The following SEMA3A variants were observed in gnomAD, a reference collection of about 807,000 sequenced individuals.
SEMA3A encodes semaphorin-3A.
SEMA3A carries 29 observed loss-of-function variants against 97.9 expected under a neutral mutation model. That is an observed-to-expected ratio of 0.30 (90% CI 0.22 to 0.40). The LOEUF (loss-of-function observed/expected upper bound fraction) is 0.40. Ranked by LOEUF, SEMA3A falls within the 10% of genes least tolerant of loss-of-function variation. The pLI is 1.00. For missense variants in SEMA3A, 763 were observed against 951.3 expected (o/e 0.80, Z 2.60); for synonymous variants, 321 against 323.7 (o/e 0.99, Z 0.09).
intron 2 of SEMA3A, among the ~76,000 whole-genome samples, chr7:84,339,401 C>T (rs1245509980): frequency 6.6e-6 from 1 of 152,084 alleles, no homozygotes; most frequent in African/African-American, 2.4e-5. Flanking sequence ...ATCTGTGTAT[C>T]TGCCTTTGTG....
At chr7:84,099,927 TTTG>T (rs1794906400) in intron 4 of SEMA3A, among the ~76,000 whole-genome samples, 1 of 152,140 alleles carries the variant, frequency 6.6e-6, no homozygotes, top group Non-Finnish European at 1.5e-5. Context: ...CAATAGTGGT[TTTG>T]TCTGTCTGAA....
chr7:83,982,553 A>C (rs1789457787), intron 13 of SEMA3A, among the ~76,000 whole-genome samples: 2 of 152,326 alleles, frequency 1.3e-5, no homozygotes, highest in South Asian at 2.1e-4. Context: ...AGGATTCAAT[A>C]ATTATAGTAA....
At chr7:84,239,938 T>G (rs2116376620) in intron 3 of SEMA3A, among the ~76,000 whole-genome samples, 1 of 152,270 alleles carries the variant, frequency 6.6e-6, no homozygotes, top group South Asian at 2.1e-4. Context: ...TATTTTCTAT[T>G]ATTTCATTGG....
At chr7:84,237,172 GA>G (rs2116370565) in intron 3 of SEMA3A, among the ~76,000 whole-genome samples, 1 of 152,176 alleles carries the variant, frequency 6.6e-6, no homozygotes, top group Non-Finnish European at 1.5e-5. Flanking sequence ...TGATGATGCT[GA>G]AAACAAAATG....
chr7:84,210,589 G>T (rs1798603007), intron 3 of SEMA3A, among the ~76,000 whole-genome samples: 1 of 152,176 alleles, frequency 6.6e-6, no homozygotes, highest in African/African-American at 2.4e-5. Context: ...GGTGACGAAA[G>T]CCATGAAAGG....
upstream of SEMA3A, among the ~76,000 whole-genome samples, chr7:84,195,728 A>G (rs1798210859): frequency 2.0e-5 from 3 of 152,210 alleles, no homozygotes; most frequent in African/African-American, 7.2e-5. Flanking sequence ...GCTCTGGCTA[A>G]CATTTTCAAT....
chr7:84,259,642 G>A lies in SEMA3A; in HGVS notation c.-83+47565C>T, dbSNP rs144756621. Among the ~76,000 whole-genome samples, 836 of 151,902 alleles carry A rather than the reference G, an allele frequency of 5.5e-3. 1 individual carries two copies. The highest frequency in any genetic ancestry group is 9.9e-3 in the Admixed American group (151 of 15,238). On this transcript the variant is annotated intron_variant, in intron 3 of 3. Coordinates refer to the SEMA3A transcript ENST00000424555. The stretch of plus-strand genomic sequence containing the variant: ...AAATAAAAGAATATTTATGGTACTG[G>A]GAAAAAAATGGGAATCTTCCCTTGC...
intron 1 of SEMA3A, among the ~76,000 whole-genome samples, chr7:84,439,977 T>C (rs1805233341): frequency 6.6e-6 from 1 of 152,186 alleles, no homozygotes; most frequent in Non-Finnish European, 1.5e-5. Flanking sequence ...TACCATGTAT[T>C]AGGCACTATA....
chr7:84,382,630 G>A (rs969843512), intron 1 of SEMA3A, among the ~76,000 whole-genome samples: 3 of 147,310 alleles, frequency 2.0e-5, no homozygotes, highest in Non-Finnish European at 3.0e-5. Context: ...AGGCCAAGGC[G>A]GGCAGATCAT....
At chr7:84,412,346 T>A (rs13437881) in intron 1 of SEMA3A, among the ~76,000 whole-genome samples, 2 of 152,106 alleles carry the variant, frequency 1.3e-5, no homozygotes, top group African/African-American at 4.8e-5. Flanking sequence ...GATGAAGCAT[T>A]AAAAAGTGGA....
intron 1 of SEMA3A, among the ~76,000 whole-genome samples, chr7:84,465,213 T>C (rs1024856011): frequency 2.0e-5 from 3 of 152,184 alleles, no homozygotes; most frequent in African/African-American, 7.2e-5. Flanking sequence ...TGTTTTCTAA[T>C]TGATTCTGGG....
chr7:84,076,339 T>C (rs1793947802), intron 4 of SEMA3A, among the ~76,000 whole-genome samples: 1 of 149,936 alleles, frequency 6.7e-6, no homozygotes, highest in African/African-American at 2.4e-5. Flanking sequence ...GTAGATAAAG[T>C]AGCAAAGAGA....
intron 1 of SEMA3A, among the ~76,000 whole-genome samples, chr7:84,405,896 G>A (rs929339201): frequency 2.0e-5 from 3 of 152,132 alleles, no homozygotes; most frequent in African/African-American, 4.8e-5. Flanking sequence ...CACATTCAAA[G>A]CAGTATGTAG....
intron 1 of SEMA3A, among the ~76,000 whole-genome samples, chr7:84,139,644 G>A (rs1040704165): frequency 6.6e-6 from 1 of 152,028 alleles, no homozygotes; most frequent in Non-Finnish European, 1.5e-5. Context: ...TTAGTGCATA[G>A]CTTGCGGGGC....
intron 1 of SEMA3A, among the ~76,000 whole-genome samples, chr7:84,466,838 T>C (rs1350529907): frequency 2.6e-5 from 4 of 152,194 alleles, no homozygotes; most frequent in Admixed American, 6.5e-5. Context: ...CTTGAGTTGA[T>C]AGAGGTAGCA....
At chr7:84,391,900 G>A (rs990670593) in intron 1 of SEMA3A, among the ~76,000 whole-genome samples, 18 of 151,166 alleles carry the variant, frequency 1.2e-4, no homozygotes, top group African/African-American at 4.1e-4. Context: ...CTGAGCCTGG[G>A]AGGTAGCCAT....
intron 2 of SEMA3A, among the ~76,000 whole-genome samples, chr7:84,366,030 T>C (rs1476698090): frequency 6.6e-6 from 1 of 151,420 alleles, no homozygotes; most frequent in African/African-American, 2.4e-5. Context: ...ATCACATTTG[T>C]CAATAAGGAA....
chr7:84,213,414 G>A (rs577844275), intron 3 of SEMA3A, among the ~76,000 whole-genome samples: 54 of 152,236 alleles, frequency 3.5e-4, no homozygotes, highest in African/African-American at 1.2e-3. Flanking sequence ...AAGTATCTTG[G>A]ACTACAGGCA....
chr7:84,458,675 T>G lies in SEMA3A; in HGVS notation c.-246+33785A>C, dbSNP rs551603158. On this transcript the variant is annotated intron_variant, in intron 1 of 3. Coordinates refer to the SEMA3A transcript ENST00000424555. Reference sequence around the variant, plus strand: ...GCCTCGTCATCACCAGAAATCATTATTGCTTATTGATATATCATAGTTGAT... The same window carrying G: ...GCCTCGTCATCACCAGAAATCATTAGTGCTTATTGATATATCATAGTTGAT... 1.3e-3 allele frequency among the ~76,000 whole-genome samples: 197 copies of G among 152,208 alleles called. 2 individuals are homozygous for G. Among genetic ancestry groups the G allele is most frequent in the Non-Finnish European group, 2.1e-3 (140 of 67,942 alleles).
Sources: allele counts gnomAD v4.1 joint callset (sites outside exome capture counted in the v4.1 genomes callset), GRCh38; gene constraint gnomAD v4.1.1; transcripts MANE v1.5; gene names NCBI Gene and HGNC (gene_info 2026-07-23, HGNC 2026-07-21).